The following INSYN2B variants were observed in gnomAD, a reference collection of about 807,000 sequenced individuals.
INSYN2B encodes the protein protein INSYN2B.
INSYN2B carries 16 observed loss-of-function variants against 41.2 expected under a neutral mutation model. That is an observed-to-expected ratio of 0.39 (90% CI 0.26 to 0.59). The LOEUF (loss-of-function observed/expected upper bound fraction) is 0.59. INSYN2B is among the 20% of genes least tolerant of loss of function. INSYN2B has a pLI of 0.57. For synonymous variants in INSYN2B, 245 were observed against 244.4 expected (o/e 1.00, Z -0.02); for missense variants, 608 against 646.4 (o/e 0.94, Z 0.64).
At chr5:169,910,550 C>T (rs560445735) in intron 1 of INSYN2B, among the ~76,000 whole-genome samples, 7 of 140,780 alleles carry the variant, frequency 5.0e-5, no homozygotes. Flanking sequence ...CATCCTTTCC[C>T]TGTGTGCCCA....
intron 1 of INSYN2B, among the ~76,000 whole-genome samples, chr5:169,969,565 T>G (rs1275170694): frequency 6.6e-6 from 1 of 151,736 alleles, no homozygotes; most frequent in Admixed American, 6.6e-5. Flanking sequence ...TGTAGGAGAG[T>G]GGGGAGAATT....
chr5:169,957,650 C>A (rs538953701), intron 1 of INSYN2B, among the ~76,000 whole-genome samples: 1 of 152,140 alleles, frequency 6.6e-6, no homozygotes, highest in Non-Finnish European at 1.5e-5. Flanking sequence ...AGAGGCAATG[C>A]GCGAGGAAGC....
rs774178103 is a variant in INSYN2B at position 169,883,855 on chromosome 5, C to T, written c.44G>A (p.Arg15His). The part of the protein sequence containing the change: ...NMKVRPVLLK[R>H]NSLESVEFVK... Reference sequence around the variant, plus strand: ...AAACTCCACTGATTCTAGACTGTTACGCTTTAGAAGCACAGGTCTCACTTT... The same window carrying T: ...AAACTCCACTGATTCTAGACTGTTATGCTTTAGAAGCACAGGTCTCACTTT... The change falls in exon 2 of 4, where the codon CGT becomes CAT. Residue 15 changes from arginine to histidine, a missense_variant. Coordinates refer to ENST00000377365, the MANE Select transcript of INSYN2B (RefSeq NM_001129891.3). 9.1e-5 allele frequency: 139 copies of T among 1,533,616 alleles called. No individual in the cohort carries two copies. The highest frequency in any genetic ancestry group is 1.7e-4 in the Middle Eastern group (1 of 5,890).
Position 169,861,910 on chromosome 5 carries a change from T to C in INSYN2B, c.*2363A>G, listed in dbSNP as rs1771221874. ...TGTATTTCTAGAAATGTCAACATTT[T>C]ATTTATTTTTTTCTTTTCTTTTCTT... On this transcript the variant is annotated 3_prime_UTR_variant, in exon 4 of 4. Coordinates refer to ENST00000377365, the MANE Select transcript of INSYN2B (RefSeq NM_001129891.3). Among the ~76,000 whole-genome samples the C allele has an allele frequency of 6.6e-6, 1 of 151,476 alleles. No homozygotes were observed. The highest frequency in any genetic ancestry group is 1.5e-5 in the Non-Finnish European group (1 of 67,918).
intron 1 of INSYN2B, among the ~76,000 whole-genome samples, chr5:169,965,042 A>T (rs1312558435): frequency 6.6e-6 from 1 of 152,224 alleles, no homozygotes; most frequent in Non-Finnish European, 1.5e-5. Context: ...ATCGCCAAAC[A>T]TCTGTTGAAG....
chr5:169,880,007 G>T (rs1380975773), intron 3 of INSYN2B, among the ~76,000 whole-genome samples: 2 of 152,168 alleles, frequency 1.3e-5, no homozygotes, highest in Admixed American at 1.3e-4. Context: ...TGTCCTCTCT[G>T]TCTAGACATT....
intron 1 of INSYN2B, among the ~76,000 whole-genome samples, chr5:169,887,239 C>A (rs776564441): frequency 3.3e-4 from 50 of 152,090 alleles, no homozygotes; most frequent in Non-Finnish European, 6.3e-4. Context: ...TTAGCCCTGC[C>A]TTTTCTCCAG....
intron 1 of INSYN2B, among the ~76,000 whole-genome samples, chr5:169,905,663 A>G (rs1009287439): frequency 6.6e-6 from 1 of 152,162 alleles, no homozygotes; most frequent in African/African-American, 2.4e-5. Context: ...CAGGGACTGG[A>G]CAAACCATCC....
chr5:169,904,605 C>T (rs1357742189), intron 1 of INSYN2B, among the ~76,000 whole-genome samples: 1 of 152,162 alleles, frequency 6.6e-6, no homozygotes, highest in East Asian at 1.9e-4. Flanking sequence ...CTCTCATTCA[C>T]ATGGAGGCCT....
At chr5:169,953,598 G>A (rs1776753253) in intron 1 of INSYN2B, among the ~76,000 whole-genome samples, 1 of 152,206 alleles carries the variant, frequency 6.6e-6, no homozygotes, top group South Asian at 2.1e-4. Context: ...AGACGAGGCT[G>A]AGAGTCAGCT....
chr5:169,923,462 C>T (rs1007989386), intron 1 of INSYN2B, among the ~76,000 whole-genome samples: 10 of 148,794 alleles, frequency 6.7e-5, no homozygotes, highest in East Asian at 2.0e-4. Flanking sequence ...GCAGCACATG[C>T]GTGCGTGTGC....
chr5:169,951,627 A>G (rs772650929), intron 1 of INSYN2B, among the ~76,000 whole-genome samples: 1 of 152,230 alleles, frequency 6.6e-6, no homozygotes, highest in Non-Finnish European at 1.5e-5. Flanking sequence ...ATGTTTGGAT[A>G]TTGAGAATAG....
chr5:169,894,224 C>T (rs185055716), intron 1 of INSYN2B, among the ~76,000 whole-genome samples: 5 of 152,092 alleles, frequency 3.3e-5, no homozygotes, highest in Non-Finnish European at 5.9e-5. Context: ...TAGAGAGGTG[C>T]GAGATTTGCC....
chr5:169,918,774 G>T lies in INSYN2B; in HGVS notation c.-918-33958C>A, dbSNP rs548431170. On this transcript the variant is annotated intron_variant, in intron 1 of 3. Coordinates refer to ENST00000377365, the MANE Select transcript of INSYN2B (RefSeq NM_001129891.3). ...CTAAAAATACAAAAATTAACCAGGC[G>T]TGGTGGCAGGTACCAGTAATCCCAG... Among the ~76,000 whole-genome samples the T allele has an allele frequency of 1.2e-4, 19 of 152,224 alleles. No homozygotes were observed. The South Asian group carries it at 3.9e-3, about 32-fold the overall frequency.
chr5:169,891,870 C>T (rs1561800569), intron 1 of INSYN2B, among the ~76,000 whole-genome samples: 1 of 151,888 alleles, frequency 6.6e-6, no homozygotes. Flanking sequence ...TGGCAGGCAC[C>T]TGTAATCCCA....
intron 1 of INSYN2B, among the ~76,000 whole-genome samples, chr5:169,975,610 A>T (rs2113773033): frequency 6.6e-6 from 1 of 152,192 alleles, no homozygotes; most frequent in Non-Finnish European, 1.5e-5. Context: ...CATTTTCACT[A>T]TTCAGGTTTC....
intron 1 of INSYN2B, among the ~76,000 whole-genome samples, chr5:169,888,194 C>T (rs1000156277): frequency 3.3e-5 from 5 of 152,120 alleles, no homozygotes; most frequent in Non-Finnish European, 7.3e-5. Context: ...CCACCATGAC[C>T]CTTGCACAGA....
At chr5:169,930,312 ATATG>A (rs1775686074) in intron 1 of INSYN2B, among the ~76,000 whole-genome samples, 1 of 152,214 alleles carries the variant, frequency 6.6e-6, no homozygotes, top group South Asian at 2.1e-4. Flanking sequence ...AAATAACCAC[ATATG>A]GGTGATGGTT....
chr5:169,868,052 G>A lies in INSYN2B; in HGVS notation c.1422-3593C>T, dbSNP rs145197090. Among the ~76,000 whole-genome samples, 209 of 152,268 alleles carry A rather than the reference G, an allele frequency of 1.4e-3. 2 individuals carry two copies. The highest frequency in any genetic ancestry group is 4.8e-3 in the African/African-American group (199 of 41,524). ...ACAGAAAAACAATCTTCATCATAGA[G>A]TACCAGATAGAGCCAAAGAGAGTGG... On this transcript the variant is annotated intron_variant, in intron 3 of 3. Transcript: ENST00000377365.
Sources: gnomAD v4.1 joint callset for allele counts (sites outside exome capture counted in the v4.1 genomes callset) on GRCh38, gnomAD v4.1.1 for gene constraint, MANE v1.5 for transcripts, NCBI Gene and HGNC (gene_info 2026-07-23, HGNC 2026-07-21) for gene names.